Variants in CCNY observed in about 807,000 individuals in gnomAD.
CCNY encodes cyclin-Y.
In CCNY, 19 loss-of-function variants were observed where a neutral mutation model predicts 42.8. The observed-to-expected ratio is 0.44, with a 90% CI of 0.31 to 0.65. The LOEUF (loss-of-function observed/expected upper bound fraction) is 0.65. Among genes scored for constraint, CCNY ranks in the 30% least tolerant of loss-of-function variants. The pLI is 0.07. For synonymous variants in CCNY, 165 were observed against 162.7 expected (o/e 1.01, Z -0.11); for missense variants, 370 against 437.3 (o/e 0.85, Z 1.37).
chr10:35,479,281 A>G lies in CCNY; in HGVS notation c.155-4123A>G, dbSNP rs551065172. Among the ~76,000 whole-genome samples, 26 of 152,102 alleles carry G rather than the reference A, an allele frequency of 1.7e-4. 1 individual carries two copies. The South Asian group carries it at 5.2e-3, about 30-fold the overall frequency. ...GTATATACCCAAAGGATTATAAATC[A>G]TGCTGCTATAAAGGCACATGCACAC... On this transcript the variant is annotated intron_variant, in intron 1 of 9. Transcript: ENST00000374704.
chr10:35,286,518 C>A (rs867015263), intron 3 of CCNY, among the ~76,000 whole-genome samples: 1 of 151,998 alleles, frequency 6.6e-6, no homozygotes, highest in Non-Finnish European at 1.5e-5. Flanking sequence ...TCCACCGTGC[C>A]CAGCTAATCT....
intron 1 of CCNY, among the ~76,000 whole-genome samples, chr10:35,406,852 CG>C (rs71033394): frequency 1.3e-5 from 2 of 151,330 alleles, no homozygotes; most frequent in African/African-American, 2.4e-5. Context: ...GCTGGCCGGG[CG>C]GGGGGCTGAC....
At chr10:35,290,264 A>ACACACACACACACACACACAC (rs61407161) in intron 3 of CCNY, among the ~76,000 whole-genome samples, 2 of 149,094 alleles carry the variant, frequency 1.3e-5, no homozygotes, top group African/African-American at 5.0e-5. Context: ...ACACACACAC[A>ACACACACACACACACACACAC]AAATTAGCTG....
intron 1 of CCNY, among the ~76,000 whole-genome samples, chr10:35,410,419 A>G (rs7071279): frequency 0.011 from 1,676 of 152,306 alleles, 41 homozygotes; most frequent in African/African-American, 0.039. Context: ...ATGATGAACC[A>G]GACGCTAAGA....
chr10:35,568,416 C>T (rs1183132379), intron 9 of CCNY, among the ~76,000 whole-genome samples: 1 of 152,246 alleles, frequency 6.6e-6, no homozygotes, highest in Non-Finnish European at 1.5e-5. Context: ...CACCCAGTGG[C>T]AGCCCTGGGA....
At chr10:35,498,849 C>T (rs1257226462) in intron 2 of CCNY, among the ~76,000 whole-genome samples, 1 of 152,194 alleles carries the variant, frequency 6.6e-6, no homozygotes, top group East Asian at 1.9e-4. Context: ...GATTCAGGCC[C>T]CAGGAGCCCC....
At chr10:35,399,780 G>A (rs1837604794) in intron 1 of CCNY, among the ~76,000 whole-genome samples, 1 of 152,198 alleles carries the variant, frequency 6.6e-6, no homozygotes, top group Admixed American at 6.5e-5. Context: ...CCCCTTAGCA[G>A]ATCCCAGTAA....
At chr10:35,524,807 G>C (rs1840619125) in intron 4 of CCNY, among the ~76,000 whole-genome samples, 1 of 152,192 alleles carries the variant, frequency 6.6e-6, no homozygotes, top group South Asian at 2.1e-4. Flanking sequence ...TTTTTTACCT[G>C]TCCAGTTGGA....
intron 1 of CCNY, among the ~76,000 whole-genome samples, chr10:35,478,984 A>C (rs1839589884): frequency 2.0e-5 from 3 of 152,270 alleles, no homozygotes; most frequent in Admixed American, 6.5e-5. Flanking sequence ...ACATTTATGC[A>C]GCCAAAAAAC....
At chr10:35,361,810 A>C (rs1836692370) in intron 1 of CCNY, among the ~76,000 whole-genome samples, 1 of 152,224 alleles carries the variant, frequency 6.6e-6, no homozygotes, top group African/African-American at 2.4e-5. Context: ...GGGGCTGAGC[A>C]TCCCTGATCT....
chr10:35,248,362 G>A (rs1024741749), intron 2 of CCNY, among the ~76,000 whole-genome samples: 2 of 152,140 alleles, frequency 1.3e-5, no homozygotes, highest in African/African-American at 4.8e-5. Flanking sequence ...TCAGACTAGG[G>A]GCCGGGCGCG....
rs1841566611 is a variant in CCNY at position 35,566,189 on chromosome 10, A to G, written c.909+4A>G. On this transcript the variant is annotated splice_donor_region_variant and intron_variant, in intron 9 of 9. Coordinates refer to ENST00000374704, the MANE Select transcript of CCNY (RefSeq NM_145012.6). ...GGAGAGGGCTCACAAGCTTGAGGTA[A>G]GATGGTTTAAAACAGCGTTTTGTGG... is the stretch of plus-strand genomic sequence containing the variant. 2.5e-6 allele frequency: 4 copies of G among 1,612,228 alleles called. No homozygotes were observed. Among genetic ancestry groups the G allele is most frequent in the Non-Finnish European group, 3.4e-6 (4 of 1,179,378 alleles).
intron 4 of CCNY, among the ~76,000 whole-genome samples, chr10:35,524,356 A>G (rs1489021404): frequency 1.3e-5 from 2 of 152,250 alleles, no homozygotes; most frequent in Admixed American, 6.5e-5. Flanking sequence ...TTATTTGCTC[A>G]TGAGTACTTT....
intron 3 of CCNY, among the ~76,000 whole-genome samples, chr10:35,501,926 G>T (rs1424426660): frequency 6.6e-6 from 1 of 152,164 alleles, no homozygotes; most frequent in East Asian, 1.9e-4. Flanking sequence ...TGTTTTCCAT[G>T]AGGCTCTCTG....
chr10:35,380,683 T>C (rs1174098558), intron 1 of CCNY, among the ~76,000 whole-genome samples: 1 of 152,124 alleles, frequency 6.6e-6, no homozygotes, highest in African/African-American at 2.4e-5. Flanking sequence ...ATATTTCCTC[T>C]CTTGAAGATG....
intron 1 of CCNY, among the ~76,000 whole-genome samples, chr10:35,445,523 TGGATTTG>T (rs1036122586): frequency 6.6e-6 from 1 of 152,104 alleles, no homozygotes; most frequent in African/African-American, 2.4e-5. Context: ...AATGTGCTGA[TGGATTTG>T]GGAAGTAGGA....
rs778506113 is a variant in CCNY, at chr10:35,453,325, TATTG to T, written c.155-30075_155-30072del. On this transcript the variant is annotated intron_variant, in intron 1 of 9. Transcript: ENST00000374704. ...AATGTATTGAACTGTTTATAAAAAC[TATTG>T]ATTATTATTTTTGATCACTACATAA... Among the ~76,000 whole-genome samples, 27 of 152,366 alleles carry T rather than the reference TATTG, an allele frequency of 1.8e-4. No homozygotes were observed. The East Asian group carries it at 4.2e-3, about 24-fold the overall frequency.
chr10:35,460,010 T>C (rs1334096698), intron 1 of CCNY, among the ~76,000 whole-genome samples: 2 of 152,104 alleles, frequency 1.3e-5, no homozygotes, highest in Non-Finnish European at 2.9e-5. Flanking sequence ...AGCCTGGAAA[T>C]CAGATACAAA....
At chr10:35,261,216 C>A (rs1171152330) in intron 3 of CCNY, among the ~76,000 whole-genome samples, 2 of 150,898 alleles carry the variant, frequency 1.3e-5, no homozygotes, top group Non-Finnish European at 2.9e-5. Flanking sequence ...CATAGCAAGA[C>A]CCTGTCTCTA....
Sources: allele counts gnomAD v4.1 joint callset (sites outside exome capture counted in the v4.1 genomes callset), GRCh38; gene constraint gnomAD v4.1.1; transcripts MANE v1.5; gene names NCBI Gene and HGNC (gene_info 2026-07-23, HGNC 2026-07-21).